Variants in MCM4 observed in about 807,000 individuals in gnomAD.
MCM4 encodes the protein DNA replication licensing factor MCM4.
MCM4 carries 60 observed loss-of-function variants against 88.7 expected under a neutral mutation model. The ratio of observed to expected loss-of-function variants is 0.68; its 90% CI spans 0.55 to 0.84. The LOEUF is 0.84. Ranked by LOEUF, MCM4 falls within the 40% of genes least tolerant of loss-of-function variation. The pLI is 0.00. For missense variants in MCM4, 1,149 were observed against 1,105.5 expected, an observed-to-expected ratio of 1.04 and a Z score of -0.56; for synonymous variants, 465 against 410.5, an observed-to-expected ratio of 1.13 and a Z score of -1.61.
chr8:47,970,534 C>T lies in MCM4; in HGVS notation c.1458C>T (p.Gly486=), dbSNP rs779512808. The change falls in exon 12 of 17, where the codon GGC becomes GGT. Residue 486 remains glycine (G), a synonymous_variant. Transcript: ENST00000649973. ...IKKGILLQLF[G]GTRKDFSHTG... ...AGGGAATTTTGCTTCAGCTCTTTGG[C>T]GGGACAAGGAAGGATTTTAGTCACA... 11 of 1,600,092 alleles carry T rather than the reference C, an allele frequency of 6.9e-6. No homozygotes were observed. The highest frequency in any genetic ancestry group is 6.7e-5 in the East Asian group (3 of 44,546).
Position 47,961,685 on chromosome 8 carries a change from G to C in MCM4, c.235+5G>C, listed in dbSNP as rs370537642. ...CTCCCCAAATGCATTCTTCAGGTGC[G>C]TGTCTGAAGATCTTGGTTTTGCTGT... On this transcript the variant is annotated splice_donor_5th_base_variant and intron_variant, in intron 3 of 16. Transcript: ENST00000649973. 6.3e-7 allele frequency: 1 copy of C among 1,599,092 alleles called. No individual in the cohort carries two copies. Among genetic ancestry groups the C allele is most frequent in the Non-Finnish European group, 8.5e-7 (1 of 1,171,298 alleles).
intron 10 of MCM4, 112 bp downstream of exon 10, chr8:47,967,597 C>T: frequency 1.4e-6 from 2 of 1,393,930 alleles, no homozygotes; most frequent in Non-Finnish European, 1.0e-6. Flanking sequence ...CCAGTTGTCA[C>T]TGCTTGTCTT....
chr8:47,966,059 A>G (rs979103212), intron 8 of MCM4, 128 bp from the exon 9 acceptor site: 2 of 695,674 alleles, frequency 2.9e-6, no homozygotes, highest in Non-Finnish European at 5.0e-6. Flanking sequence ...CATAGCCTGC[A>G]GATGACTGGA....
chr8:47,971,305 G>T (rs1229395832), intron 12 of MCM4, 36 bp from the exon 13 acceptor site: 1 of 1,612,418 alleles, frequency 6.2e-7, no homozygotes, highest in African/African-American at 1.3e-5. Context: ...GCCAGCGTCA[G>T]GGAGAGGCTT....
chr8:47,968,212 G>A (rs553234129), intron 10 of MCM4, among the ~76,000 whole-genome samples: 4 of 152,284 alleles, frequency 2.6e-5, no homozygotes, highest in East Asian at 3.9e-4. Context: ...GGCGACGGTC[G>A]CGGAGTGCCT....
At chr8:47,976,660 A>G in intron 16 of MCM4, 26 bp from the exon 17 acceptor site, 2 of 1,550,650 alleles carry the variant, frequency 1.3e-6, no homozygotes, top group Non-Finnish European at 1.8e-6. Context: ...CGTGTACAAT[A>G]TTTATTTTCT....
rs2090838528 is a variant in MCM4 at position 47,961,681 on chromosome 8, G to A, written c.235+1G>A. 1.2e-6 allele frequency: 2 copies of A among 1,602,260 alleles called. No individual in the cohort carries two copies. Among genetic ancestry groups the A allele is most frequent in the South Asian group, 1.1e-5 (1 of 89,998 alleles). On this transcript the variant is annotated splice_donor_variant, in intron 3 of 16. Coordinates refer to ENST00000649973, the MANE Select transcript of MCM4 (RefSeq NM_182746.3). LOFTEE classifies it high-confidence loss of function. Reference sequence around the variant, plus strand: ...AGCCCTCCCCAAATGCATTCTTCAGGTGCGTGTCTGAAGATCTTGGTTTTG... The same window carrying A: ...AGCCCTCCCCAAATGCATTCTTCAGATGCGTGTCTGAAGATCTTGGTTTTG...
chr8:47,974,684 G>A (rs2090986079), intron 14 of MCM4, 50 bp from the exon 15 acceptor site: 5 of 1,474,958 alleles, frequency 3.4e-6, no homozygotes, highest in Non-Finnish European at 4.7e-6. Context: ...CAAAACTAAA[G>A]TTGTCACCAA....
chr8:47,975,504 C>T (rs2154505482), intron 15 of MCM4: 1 of 358,370 alleles, frequency 2.8e-6, no homozygotes, highest in East Asian at 4.4e-5. Context: ...GCAGCAGCTG[C>T]TTGCTGCACA....
At chr8:47,963,128 T>C (rs1375791212) in intron 7 of MCM4, 88 bp downstream of exon 7, 3 of 773,288 alleles carry the variant, frequency 3.9e-6, no homozygotes, top group Non-Finnish European at 6.4e-6. Flanking sequence ...GTAATGAAGA[T>C]AGTATGCGCA....
At chr8:47,974,574 T>C in intron 14 of MCM4, 160 bp from the exon 15 acceptor site, 1 of 646,896 alleles carries the variant, frequency 1.5e-6, no homozygotes, top group East Asian at 2.6e-5. Flanking sequence ...ATTTCTGTGG[T>C]CTGTCTGTGT....
In MCM4 at chr8:47,970,559, A is replaced by T; in HGVS notation, c.1483A>T (p.Thr495Ser). 6 of 1,613,716 alleles carry T rather than the reference A, an allele frequency of 3.7e-6. No individual in the cohort carries two copies. The highest frequency in any genetic ancestry group is 5.1e-6 in the Non-Finnish European group (6 of 1,179,664). Residue 495 changes from threonine to serine, a missense_variant, in exon 12 of 17, where the codon ACT (threonine) becomes TCT (serine). By Grantham distance (58) the Thr-to-Ser change is moderately conservative. This residue lies in a region of MCM4 where 906 missense variants were observed against 843.0 expected (regional missense o/e 1.07). Transcript: ENST00000649973. ...FGGTRKDFSH[T>S]GRGKFRAEIN... Reference sequence around the variant, plus strand: ...CGGGACAAGGAAGGATTTTAGTCACACTGGAAGGGGCAAATTTCGGGCTGA... The same window carrying T: ...CGGGACAAGGAAGGATTTTAGTCACTCTGGAAGGGGCAAATTTCGGGCTGA...
rs774433532 is a variant in MCM4 at position 47,961,104 on chromosome 8, C to T, written c.-14-27C>T. On this transcript the variant is annotated intron_variant, in intron 1 of 16. Transcript: ENST00000649973. ...GGGCAGGGAAGCCGGGAGGCGGGCCCGGCCCGAGCTTGTCCTTGTCGCGCA... is the reference window on the plus strand; with the variant it reads ...GGGCAGGGAAGCCGGGAGGCGGGCCTGGCCCGAGCTTGTCCTTGTCGCGCA... 2.0e-6 allele frequency: 3 copies of T among 1,522,664 alleles called. No individual in the cohort carries two copies. The South Asian group carries it at 3.6e-5, about 18-fold the overall frequency. The allele number at this position is 1,522,664 out of a possible 1,614,324, so 94.3% of individuals were successfully genotyped here. A position where few individuals can be genotyped will look rare whatever the true frequency, so the allele number is the denominator to read the frequency against.
Position 47,960,993 on chromosome 8 carries a change from G to C in MCM4, c.-36G>C, listed in dbSNP as rs2090815544. ...GGACTCGGAGTCCGCGAGCGTCGTCGGCAAGCGGCCGCCTTTCCACGGTAA... is the reference window on the plus strand; with the variant it reads ...GGACTCGGAGTCCGCGAGCGTCGTCCGCAAGCGGCCGCCTTTCCACGGTAA... On this transcript the variant is annotated 5_prime_UTR_variant, in exon 1 of 17. Transcript: ENST00000649973. The C allele has an allele frequency of 2.6e-6, 2 of 763,206 alleles. No individual in the cohort carries two copies. Among genetic ancestry groups the C allele is most frequent in the Non-Finnish European group, 3.8e-6 (2 of 520,692 alleles). The allele number at this position is 763,206 out of a possible 1,614,324, so 47.3% of individuals were successfully genotyped here. A position where few individuals can be genotyped will look rare whatever the true frequency, so the allele number is the denominator to read the frequency against.
chr8:47,961,449 A>G (rs1589826465), intron 2 of MCM4, 67 bp from the exon 3 acceptor site: 1 of 1,611,204 alleles, frequency 6.2e-7, no homozygotes, highest in Non-Finnish European at 8.5e-7. Flanking sequence ...GCCCCAAGGA[A>G]AAGACAAATC....
At chr8:47,961,949 A>C (rs2090844435) in intron 3 of MCM4, 104 bp from the exon 4 acceptor site, 1 of 1,139,852 alleles carries the variant, frequency 8.8e-7, no homozygotes, top group Admixed American at 2.0e-5. Context: ...GGTTGCAATA[A>C]ATATTCAGTT....
chr8:47,976,417 T>C (rs1452690770), intron 16 of MCM4, among the ~76,000 whole-genome samples: 1 of 152,206 alleles, frequency 6.6e-6, no homozygotes, highest in African/African-American at 2.4e-5. Context: ...AAAAGAACTA[T>C]GCAGTCTTTC....
At chr8:47,969,710 G>A in intron 10 of MCM4, 88 bp from the exon 11 acceptor site, 1 of 1,396,778 alleles carries the variant, frequency 7.2e-7, no homozygotes, top group South Asian at 1.2e-5. Flanking sequence ...GCCTCGCTCT[G>A]AAGTGCACCT....
chr8:47,970,455 AC>A, intron 11 of MCM4, 55 bp from the exon 12 acceptor site: 3 of 1,527,088 alleles, frequency 2.0e-6, no homozygotes, highest in Non-Finnish European at 2.6e-6. Context: ...AGTTTAAACT[AC>A]ATCTCAGTTA....
Sources: allele counts gnomAD v4.1 joint callset (sites outside exome capture counted in the v4.1 genomes callset), GRCh38; gene constraint gnomAD v4.1.1; regional missense constraint gnomAD v4.1.1; transcripts MANE v1.5; gene names NCBI Gene and HGNC (gene_info 2026-07-23, HGNC 2026-07-21).